The following CFAP61 variants were observed in gnomAD, a reference collection of about 807,000 sequenced individuals.
CFAP61 encodes cilia and flagella associated protein 61.
A neutral mutation model predicts 135.6 loss-of-function variants in CFAP61; 107 were observed. The observed-to-expected ratio is 0.79, with a 90% CI of 0.67 to 0.93. CFAP61 has a LOEUF of 0.93. CFAP61 is among the 40% of genes least tolerant of loss of function. CFAP61 has a pLI of 0.00. For missense variants in CFAP61, 1,507 were observed against 1,556.2 expected (o/e 0.97, Z 0.53); for synonymous variants, 575 against 578.5 (o/e 0.99, Z 0.09).
At chr20:20,244,350 A>G (rs368686745) in intron 18 of CFAP61, among the ~76,000 whole-genome samples, 2 of 152,242 alleles carry the variant, frequency 1.3e-5, no homozygotes, top group East Asian at 3.8e-4. Flanking sequence ...ACATCCAGGC[A>G]TATCCATACA....
At position 20,166,503 on chromosome 20, in the gene CFAP61, C is replaced by T; in HGVS notation, c.1245+67C>T. 4.7e-6 allele frequency: 6 copies of T among 1,270,078 alleles called. No homozygotes were observed. In the South Asian group the frequency reaches 7.3e-5, roughly 15 times the overall value. 78.7% of individuals were successfully genotyped at this position (1,270,078 alleles called of 1,614,324 possible). On this transcript the variant is annotated intron_variant, in intron 12 of 26. Coordinates refer to ENST00000245957, the MANE Select transcript of CFAP61 (RefSeq NM_015585.4). Reference sequence around the variant, plus strand: ...AGAGAACTTATAGAAAAGTAAAATGCCATAAATTTATTATGCTGTGAATGT... The same window carrying T: ...AGAGAACTTATAGAAAAGTAAAATGTCATAAATTTATTATGCTGTGAATGT...
At chr20:20,214,273 TC>T (rs1383120999) in intron 17 of CFAP61, 2 of 152,196 alleles carry the variant, frequency 1.3e-5, no homozygotes, top group Non-Finnish European at 2.9e-5. Context: ...TGGATTGTGT[TC>T]GTTTCCACAT....
At chr20:20,157,544 A>AAAC (rs1170186673) in intron 9 of CFAP61, among the ~76,000 whole-genome samples, 6 of 152,230 alleles carry the variant, frequency 3.9e-5, no homozygotes, top group African/African-American at 1.4e-4. Context: ...TTTCTCTCTG[A>AAAC]AACAATTTTA....
chr20:20,084,296 T>G (rs1338770473), intron 6 of CFAP61, among the ~76,000 whole-genome samples: 1 of 152,262 alleles, frequency 6.6e-6, no homozygotes, highest in African/African-American at 2.4e-5. Flanking sequence ...ATTTTACAAC[T>G]GTACATTTTA....
At chr20:20,098,273 T>C (rs1442408219) in intron 7 of CFAP61, among the ~76,000 whole-genome samples, 2 of 152,200 alleles carry the variant, frequency 1.3e-5, no homozygotes, top group Non-Finnish European at 2.9e-5. Flanking sequence ...CTGAGGGCTC[T>C]GGAGGTTTCC....
At chr20:20,265,165 A>G (rs543941952) in intron 21 of CFAP61, among the ~76,000 whole-genome samples, 1 of 152,334 alleles carries the variant, frequency 6.6e-6, no homozygotes, top group Non-Finnish European at 1.5e-5. Context: ...CCAGTGGTTC[A>G]AGACAAAATG....
chr20:20,225,953 C>G (rs1261241623), intron 17 of CFAP61: 1 of 152,220 alleles, frequency 6.6e-6, no homozygotes, highest in Non-Finnish European at 1.5e-5. Context: ...CTAGGAAATT[C>G]TCATAGAGCA....
At chr20:20,069,525 C>T (rs1045045497) in intron 2 of CFAP61, among the ~76,000 whole-genome samples, 1 of 152,102 alleles carries the variant, frequency 6.6e-6, no homozygotes, top group African/African-American at 2.4e-5. Flanking sequence ...GTAATCTGTC[C>T]ACCTTGGCCT....
At chr20:20,098,202 G>A (rs1239606938) in intron 7 of CFAP61, among the ~76,000 whole-genome samples, 1 of 152,168 alleles carries the variant, frequency 6.6e-6, no homozygotes, top group Non-Finnish European at 1.5e-5. Flanking sequence ...TGTACTGAAG[G>A]AAGACACTTA....
intron 8 of CFAP61, among the ~76,000 whole-genome samples, chr20:20,112,373 C>A (rs1258180515): frequency 6.6e-6 from 1 of 151,988 alleles, no homozygotes; most frequent in Non-Finnish European, 1.5e-5. Flanking sequence ...AAAAATATAA[C>A]CTTGGGAAAG....
At chr20:20,055,247 T>A (rs778616858) in intron 1 of CFAP61, among the ~76,000 whole-genome samples, 4 of 152,210 alleles carry the variant, frequency 2.6e-5, no homozygotes, top group Non-Finnish European at 5.9e-5. Context: ...TTTCAGAGTC[T>A]ATCATCTAAA....
At chr20:20,090,261 C>A (rs1360384207) in intron 6 of CFAP61, among the ~76,000 whole-genome samples, 2 of 152,224 alleles carry the variant, frequency 1.3e-5, no homozygotes, top group African/African-American at 4.8e-5. Flanking sequence ...CAGCTCTCAG[C>A]TCAGATGACC....
At chr20:20,172,025 G>T in intron 13 of CFAP61, 2 of 377,000 alleles carry the variant, frequency 5.3e-6, no homozygotes, top group Non-Finnish European at 4.7e-6. Context: ...GAACTTGGTT[G>T]CATGGCCCTA....
intron 8 of CFAP61, among the ~76,000 whole-genome samples, chr20:20,109,432 T>C (rs2048641875): frequency 6.6e-6 from 1 of 152,184 alleles, no homozygotes; most frequent in African/African-American, 2.4e-5. Flanking sequence ...TGAGCTCTCC[T>C]TGGGTAAATG....
chr20:20,277,069 G>A (rs75762394), intron 21 of CFAP61, 97 bp from the exon 22 acceptor site: 3 of 944,780 alleles, frequency 3.2e-6, no homozygotes, highest in African/African-American at 1.6e-5. Flanking sequence ...GCTGAAAAAT[G>A]AGAGGGTTAT....
chr20:20,258,471 G>A (rs997719543), intron 20 of CFAP61: 2 of 152,126 alleles, frequency 1.3e-5, no homozygotes, highest in African/African-American at 4.8e-5. Context: ...GCACAGCGAG[G>A]GAGGGGCTCC....
At chr20:20,056,292 C>T (rs1024541211) in intron 1 of CFAP61, among the ~76,000 whole-genome samples, 4 of 152,180 alleles carry the variant, frequency 2.6e-5, no homozygotes, top group Non-Finnish European at 4.4e-5. Flanking sequence ...CCATCGTGGC[C>T]GATTAAATAT....
rs939122641 is a variant in CFAP61 at position 20,359,631 on chromosome 20, T to A, written c.3514-579T>A. ...GTGAGCCGAGATCATGCCATTGCAC[T>A]CCAGCCTGGGCAACAACAGCGAAAT... On this transcript the variant is annotated intron_variant, in intron 26 of 26. Coordinates refer to ENST00000245957, the MANE Select transcript of CFAP61 (RefSeq NM_015585.4). The surrounding 1 kb of genome is among the most constrained non-coding windows in gnomAD (Gnocchi z 4.0). 1.3e-5 allele frequency among the ~76,000 whole-genome samples: 2 copies of A among 152,042 alleles called. No homozygotes were observed. The highest frequency in any genetic ancestry group is 4.8e-5 in the African/African-American group (2 of 41,392).
chr20:20,172,464 A>G (rs6081906), intron 13 of CFAP61: 149,481 of 165,962 alleles, frequency 0.9, 68,145 homozygotes, highest in Middle Eastern at 0.98. Flanking sequence ...CTACAGGCAT[A>G]TGCCACAACA....
Sources: gnomAD v4.1 joint callset for allele counts (sites outside exome capture counted in the v4.1 genomes callset) on GRCh38, gnomAD v4.1.1 for gene constraint, Gnocchi (gnomAD v3.1) non-coding constraint, MANE v1.5 for transcripts, NCBI Gene and HGNC (gene_info 2026-07-23, HGNC 2026-07-21) for gene names.